AP3S2: variants seen among roughly 807,000 people sequenced by gnomAD.
AP3S2 encodes the protein adaptor related protein complex 3 subunit sigma 2.
A neutral mutation model predicts 23.4 loss-of-function variants in AP3S2; 22 were observed. That is an observed-to-expected ratio of 0.94 (90% CI 0.67 to 1.34). The LOEUF (loss-of-function observed/expected upper bound fraction) is 1.34. Ranked by LOEUF, AP3S2 falls within the 40% of genes most tolerant of loss-of-function variation. The pLI is 0.00. For synonymous variants in AP3S2, 86 were observed against 87.1 expected (o/e 0.99, Z 0.07); for missense variants, 241 against 236.9 (o/e 1.02, Z -0.11).
intron 3 of AP3S2, 110 bp from the exon 4 acceptor site, chr15:89,871,656 G>T: frequency 8.8e-7 from 1 of 1,137,584 alleles, no homozygotes; most frequent in Non-Finnish European, 1.2e-6. Flanking sequence ...TTTACTTTAT[G>T]ATAAATCTCA....
intron 5 of AP3S2, among the ~76,000 whole-genome samples, chr15:89,836,460 T>A (rs1180763694): frequency 1.3e-5 from 2 of 152,116 alleles, no homozygotes; most frequent in African/African-American, 4.8e-5. Context: ...TGCCAACTAA[T>A]AATGTGAGAT....
chr15:89,877,761 C>T (rs1020150886), intron 3 of AP3S2, among the ~76,000 whole-genome samples: 5 of 151,874 alleles, frequency 3.3e-5, no homozygotes, highest in Admixed American at 6.6e-5. Flanking sequence ...TGCCACTGTA[C>T]TCCAGTCTGG....
At chr15:89,877,749 C>A (rs1896476923) in intron 3 of AP3S2, among the ~76,000 whole-genome samples, 1 of 151,850 alleles carries the variant, frequency 6.6e-6, no homozygotes, top group Admixed American at 6.6e-5. Context: ...GAACCAAGAT[C>A]ATGCCACTGT....
intron 3 of AP3S2, among the ~76,000 whole-genome samples, chr15:89,880,032 A>G (rs1039127926): frequency 6.9e-6 from 1 of 145,144 alleles, no homozygotes; most frequent in Non-Finnish European, 1.5e-5. Context: ...CTCAGATTTT[A>G]GAGTTATTAG....
intron 3 of AP3S2, among the ~76,000 whole-genome samples, chr15:89,880,060 A>AC: frequency 6.6e-6 from 1 of 150,680 alleles, no homozygotes; most frequent in East Asian, 2.0e-4. Context: ...TAAAATGTGC[A>AC]TCTTAGGATA....
In AP3S2 at chr15:89,867,597, AG is replaced by A. The variant is rs1339970880; in HGVS notation, c.345+3877del. 4.0e-3 allele frequency among the ~76,000 whole-genome samples: 474 copies of A among 119,538 alleles called. 5 individuals are homozygous for A. Among genetic ancestry groups the A allele is most frequent in the African/African-American group, 0.015 (453 of 30,600 alleles). 78.4% of individuals were successfully genotyped at this position (119,538 alleles called of 152,430 possible). A position where few individuals can be genotyped will look rare whatever the true frequency, so the allele number is the denominator to read the frequency against. ...CCTCTTCCCAGCCGCCATCACATCTAGGAAGTGAGGAGCGTCTCTGCCCGGC... is the reference window on the plus strand; with the variant it reads ...CCTCTTCCCAGCCGCCATCACATCTAGAAGTGAGGAGCGTCTCTGCCCGGC... On this transcript the variant is annotated intron_variant, in intron 4 of 5. Transcript: ENST00000336418.
chr15:89,880,731 T>C (rs1270534826), intron 3 of AP3S2, among the ~76,000 whole-genome samples: 1 of 148,256 alleles, frequency 6.7e-6, no homozygotes, highest in African/African-American at 2.5e-5. Flanking sequence ...GAAAGAAAAA[T>C]GTAACTCAGT....
intron 1 of AP3S2, among the ~76,000 whole-genome samples, chr15:89,891,815 T>C (rs1363035019): frequency 6.6e-6 from 1 of 152,094 alleles, no homozygotes; most frequent in Non-Finnish European, 1.5e-5. Flanking sequence ...CTTGGAAAAT[T>C]TGTCAAATAG....
At chr15:89,852,802 T>C (rs956820109) in intron 4 of AP3S2, 1 of 152,440 alleles carries the variant, frequency 6.6e-6, no homozygotes, top group Non-Finnish European at 1.5e-5. Flanking sequence ...AACAGCCCTG[T>C]GCCCCAGTCC....
chr15:89,858,523 G>GAGAGAGAAAGAAAGAAAGAAAGAA (rs1555446558), intron 4 of AP3S2, among the ~76,000 whole-genome samples: 1 of 53,692 alleles, frequency 1.9e-5, no homozygotes. Context: ...GAGAGAGAGA[G>GAGAGAGAAAGAAAGAAAGAAAGAA]AGAAAGAAAG....
rs1567179219 is a variant in AP3S2 at position 89,859,395 on chromosome 15, C to CT, written c.345+12079dup. Among the ~76,000 whole-genome samples the CT allele has an allele frequency of 1.1e-3, 86 of 76,464 alleles. 1 individual carries two copies. The highest frequency in any genetic ancestry group is 4.1e-3 in the African/African-American group (83 of 20,166). 50.2% of individuals were successfully genotyped at this position (76,464 alleles called of 152,430 possible). On this transcript the variant is annotated intron_variant, in intron 4 of 5. Coordinates refer to ENST00000336418, the MANE Select transcript of AP3S2 (RefSeq NM_005829.5). ...CTTCCTTCCTTCCTTCCTTTTCTTTCTTTCTTTTTTTTTTTTGAGATGGAG... is the reference window on the plus strand; with the variant it reads ...CTTCCTTCCTTCCTTCCTTTTCTTTCTTTTCTTTTTTTTTTTTGAGATGGAG...
At chr15:89,863,067 T>A (rs1479135759) in intron 4 of AP3S2, among the ~76,000 whole-genome samples, 2 of 151,996 alleles carry the variant, frequency 1.3e-5, no homozygotes, top group African/African-American at 4.8e-5. Flanking sequence ...GGGTTCTATA[T>A]GACAGAAAGA....
rs1260888663 is a variant in AP3S2 at position 89,867,826 on chromosome 15, G to A, written c.345+3649C>T. 3.5e-4 allele frequency among the ~76,000 whole-genome samples: 42 copies of A among 121,554 alleles called. No homozygotes were observed. The East Asian group carries it at 9.8e-3, about 28-fold the overall frequency. The allele number at this position is 121,554 out of a possible 152,430, so 79.7% of individuals were successfully genotyped here. A position where few individuals can be genotyped will look rare whatever the true frequency, so the allele number is the denominator to read the frequency against. On this transcript the variant is annotated intron_variant, in intron 4 of 5. Coordinates refer to ENST00000336418, the MANE Select transcript of AP3S2 (RefSeq NM_005829.5). Reference sequence around the variant, plus strand: ...AGCCCCTCCGCCCGGCAGCTGCCCCGTCTGAGAAGTGAGGAGCCTCTCCGC... The same window carrying A: ...AGCCCCTCCGCCCGGCAGCTGCCCCATCTGAGAAGTGAGGAGCCTCTCCGC...
At chr15:89,874,325 T>C (rs1896391516) in intron 3 of AP3S2, among the ~76,000 whole-genome samples, 1 of 152,202 alleles carries the variant, frequency 6.6e-6, no homozygotes, top group Admixed American at 6.5e-5. Flanking sequence ...CTTGCCCACC[T>C]CCATGGTTAT....
At chr15:89,865,497 C>G (rs1400102234) in intron 4 of AP3S2, 1 of 152,214 alleles carries the variant, frequency 6.6e-6, no homozygotes, top group Non-Finnish European at 1.5e-5. Flanking sequence ...ACACTCACCC[C>G]CGATTGGTAG....
chr15:89,840,823 G>T (rs573185034), intron 4 of AP3S2, among the ~76,000 whole-genome samples: 2 of 152,292 alleles, frequency 1.3e-5, no homozygotes, highest in African/African-American at 4.8e-5. Context: ...CAGCAGAATG[G>T]TGCTGATTCC....
chr15:89,837,580 A>C (rs748462682), intron 5 of AP3S2, 35 bp downstream of exon 5: 1 of 1,613,398 alleles, frequency 6.2e-7, no homozygotes, highest in Non-Finnish European at 8.5e-7. Flanking sequence ...GGTTTTCTCT[A>C]CCCAGCCAGG....
Position 89,832,458 on chromosome 15 carries a change from A to T in AP3S2, c.*3057T>A, listed in dbSNP as rs1895098401. ...GACCCCCATCTCACAAAAAAAGGAA[A>T]GCCTAGTATTCTATACAACCTTAAC... On this transcript the variant is annotated 3_prime_UTR_variant, in exon 6 of 6. Transcript: ENST00000336418. The T allele has an allele frequency of 6.6e-6, 1 of 150,518 alleles. No individual in the cohort carries two copies. The highest frequency in any genetic ancestry group is 2.4e-5 in the African/African-American group (1 of 41,002). 9.3% of individuals were successfully genotyped at this position (150,518 alleles called of 1,614,324 possible).
chr15:89,842,953 A>C (rs1331118573), intron 4 of AP3S2, among the ~76,000 whole-genome samples: 2 of 151,820 alleles, frequency 1.3e-5, no homozygotes, highest in African/African-American at 4.8e-5. Flanking sequence ...AGCAAGGGTA[A>C]CAGAATGGGG....
Sources: allele counts gnomAD v4.1 joint callset (sites outside exome capture counted in the v4.1 genomes callset), GRCh38; gene constraint gnomAD v4.1.1; transcripts MANE v1.5; gene names NCBI Gene and HGNC (gene_info 2026-07-23, HGNC 2026-07-21).